Variants in ERC2 observed in about 807,000 individuals in gnomAD.
The protein encoded by ERC2 is ELKS/RAB6-interacting/CAST family member 2.
A neutral mutation model predicts 114.8 loss-of-function variants in ERC2; 42 were observed. The observed-to-expected ratio is 0.37, with a 90% confidence interval of 0.29 to 0.47. ERC2 has a LOEUF of 0.47. Among genes scored for constraint, ERC2 ranks in the 20% least tolerant of loss-of-function variants. ERC2 has a pLI of 0.99. For missense variants in ERC2, 939 were observed against 1,150.7 expected, an observed-to-expected ratio of 0.82 and a Z score of 2.66; for synonymous variants, 454 against 425.5, an observed-to-expected ratio of 1.07 and a Z score of -0.82.
chr3:56,153,265 C>G (rs2081526146), intron 4 of ERC2, among the ~76,000 whole-genome samples: 1 of 152,130 alleles, frequency 6.6e-6, no homozygotes, highest in Admixed American at 6.6e-5. Flanking sequence ...ATCCTTCCCT[C>G]TCTAACATGA....
At chr3:55,800,411 G>C (rs1183297295) in intron 14 of ERC2, among the ~76,000 whole-genome samples, 1 of 151,988 alleles carries the variant, frequency 6.6e-6, no homozygotes, top group African/African-American at 2.4e-5. Context: ...CAAAGTGCTG[G>C]GATTACAGGT....
intron 12 of ERC2, among the ~76,000 whole-genome samples, chr3:55,958,111 T>A (rs1377427143): frequency 1.3e-5 from 2 of 152,030 alleles, no homozygotes; most frequent in Admixed American, 6.5e-5. Flanking sequence ...CTTCACTGAG[T>A]GACAGAACGG....
chr3:56,063,367 TA>T (rs1173885658), intron 7 of ERC2, among the ~76,000 whole-genome samples: 2 of 152,256 alleles, frequency 1.3e-5, no homozygotes, highest in Non-Finnish European at 2.9e-5. Flanking sequence ...TTAGTAAAGT[TA>T]AAAAGCAATT....
chr3:55,731,417 A>C (rs2065246259), intron 15 of ERC2, among the ~76,000 whole-genome samples: 1 of 152,256 alleles, frequency 6.6e-6, no homozygotes, highest in Non-Finnish European at 1.5e-5. Flanking sequence ...AGCAGCTTAC[A>C]CATATGAAGC....
chr3:55,960,502 C>T (rs190798008), intron 12 of ERC2, among the ~76,000 whole-genome samples: 16 of 152,290 alleles, frequency 1.1e-4, no homozygotes, highest in Middle Eastern at 3.4e-3. Context: ...TGCAAGGATG[C>T]CCCTCCTATC....
chr3:56,098,905 T>G (rs9865563), intron 6 of ERC2, among the ~76,000 whole-genome samples: 2,188 of 152,268 alleles, frequency 0.014, 45 homozygotes, highest in African/African-American at 0.034. Context: ...TCCTCCAATC[T>G]TGAAAAATTG....
At chr3:56,435,798 C>G in intron 1 of ERC2, among the ~76,000 whole-genome samples, 1 of 152,240 alleles carries the variant, frequency 6.6e-6, no homozygotes, top group East Asian at 1.9e-4. Context: ...AAAGAGGTAG[C>G]TCAACCAATG....
At chr3:56,100,051 G>C (rs1160161894) in intron 6 of ERC2, among the ~76,000 whole-genome samples, 1 of 152,122 alleles carries the variant, frequency 6.6e-6, no homozygotes, top group Non-Finnish European at 1.5e-5. Context: ...TTTGGGAAAT[G>C]CTCTTTCAGG....
intron 16 of ERC2, among the ~76,000 whole-genome samples, chr3:55,692,439 C>T (rs1410209435): frequency 6.6e-6 from 1 of 152,198 alleles, no homozygotes; most frequent in East Asian, 1.9e-4. Context: ...CACCTGCCTC[C>T]AGCCACAACA....
At chr3:56,159,151 A>T (rs530833914) in intron 4 of ERC2, among the ~76,000 whole-genome samples, 103 of 152,212 alleles carry the variant, frequency 6.8e-4, no homozygotes, top group African/African-American at 2.4e-3. Flanking sequence ...TCCCTCTTCA[A>T]CTTCCACCAT....
chr3:56,140,267 C>G (rs1407744552), intron 5 of ERC2, among the ~76,000 whole-genome samples: 3 of 152,104 alleles, frequency 2.0e-5, no homozygotes, highest in African/African-American at 7.2e-5. Context: ...TACCCATGTC[C>G]TATCCCATTT....
intron 6 of ERC2, among the ~76,000 whole-genome samples, chr3:56,085,160 C>T (rs1380124268): frequency 6.6e-6 from 1 of 152,092 alleles, no homozygotes; most frequent in East Asian, 1.9e-4. Flanking sequence ...ATGATATTAG[C>T]GATAAAGAAA....
intron 14 of ERC2, among the ~76,000 whole-genome samples, chr3:55,792,522 TCA>T (rs1035995835): frequency 7.2e-5 from 11 of 152,200 alleles, no homozygotes; most frequent in African/African-American, 2.7e-4. Context: ...TGTGCTCAGT[TCA>T]CAATAGGCCT....
chr3:55,707,659 A>G (rs914838129), intron 15 of ERC2, among the ~76,000 whole-genome samples: 1 of 152,238 alleles, frequency 6.6e-6, no homozygotes. Context: ...GTTAACATAA[A>G]AAATAATAAC....
At chr3:56,082,364 T>C (rs1196476993) in intron 6 of ERC2, among the ~76,000 whole-genome samples, 1 of 152,106 alleles carries the variant, frequency 6.6e-6, no homozygotes, top group African/African-American at 2.4e-5. Flanking sequence ...CATTGATTGA[T>C]CTCTCATCAG....
intron 3 of ERC2, among the ~76,000 whole-genome samples, chr3:56,271,777 T>A (rs2053667887): frequency 6.6e-6 from 1 of 152,172 alleles, no homozygotes; most frequent in South Asian, 2.1e-4. Flanking sequence ...CACCCTCAAG[T>A]AGGTCCCAGT....
intron 15 of ERC2, among the ~76,000 whole-genome samples, chr3:55,729,836 GCAAAAAA>G (rs2065137161): frequency 2.5e-4 from 1 of 3,948 alleles, no homozygotes; most frequent in Admixed American, 5.2e-3. Flanking sequence ...AGACTCTATC[GCAAAAAA>G]AAAAAAAAAA....
intron 4 of ERC2, among the ~76,000 whole-genome samples, chr3:56,165,684 G>GT (rs1275846644): frequency 6.6e-6 from 1 of 151,662 alleles, no homozygotes; most frequent in East Asian, 1.9e-4. Context: ...TATATTTGGG[G>GT]TTTTTTAATA....
chr3:55,994,027 T>C (rs2149529332), intron 10 of ERC2, among the ~76,000 whole-genome samples: 1 of 152,276 alleles, frequency 6.6e-6, no homozygotes. Flanking sequence ...GAATCATTAC[T>C]TTTGTTACAG....
Sources: allele counts gnomAD v4.1 joint callset (sites outside exome capture counted in the v4.1 genomes callset), GRCh38; gene constraint gnomAD v4.1.1; transcripts MANE v1.5; gene names NCBI Gene and HGNC (gene_info 2026-07-23, HGNC 2026-07-21).